The following LEPR variants were observed in gnomAD, a reference collection of about 807,000 sequenced individuals.
The protein encoded by LEPR is leptin receptor.
Under a neutral mutation model 114.7 loss-of-function variants are expected in LEPR, and 56 were observed. The observed-to-expected ratio is 0.49, with a 90% CI of 0.39 to 0.61. LEPR has a LOEUF of 0.61. LEPR is among the 20% of genes least tolerant of loss of function. The pLI, the probability that LEPR is intolerant of heterozygous loss-of-function variation, is 0.00. For missense variants in LEPR, 1,202 were observed against 1,352.9 expected (o/e 0.89, Z 1.75); for synonymous variants, 443 against 461.4 (o/e 0.96, Z 0.51).
chr1:65,565,331 G>A (rs1227968647), intron 2 of LEPR, among the ~76,000 whole-genome samples: 11 of 152,160 alleles, frequency 7.2e-5, no homozygotes, highest in Admixed American at 4.6e-4. Flanking sequence ...AAATTTTTTC[G>A]ACTTGTATTT....
At chr1:65,584,445 G>T (rs1260822102) in intron 5 of LEPR, among the ~76,000 whole-genome samples, 1 of 152,052 alleles carries the variant, frequency 6.6e-6, no homozygotes, top group African/African-American at 2.4e-5. Context: ...TAAAGGGTGT[G>T]TGTTCATACT....
intron 2 of LEPR, among the ~76,000 whole-genome samples, chr1:65,454,104 C>A (rs372595646): frequency 6.8e-6 from 1 of 148,046 alleles, no homozygotes; most frequent in South Asian, 2.2e-4. Flanking sequence ...AGGATTGCAA[C>A]CCCTGCCTTT....
In LEPR at chr1:65,605,152, A is replaced by G. The variant is rs758519297; in HGVS notation, c.1518A>G (p.Leu506=). 6.8e-5 allele frequency: 110 copies of G among 1,613,962 alleles called. No individual in the cohort carries two copies. The highest frequency in any genetic ancestry group is 8.4e-5 in the Non-Finnish European group (99 of 1,180,018). ...GCATTTTCCAGCCAATCTTCCTATT[A>G]TCTGGCTACACAATGTGGATTAGGA... is the stretch of plus-strand genomic sequence containing the variant. ...YECIFQPIFL[L]SGYTMWIRIN... is the part of the protein sequence containing the mutation. Residue 506 remains leucine (L), a synonymous_variant, in exon 11 of 20, where the codon TTA becomes TTG. Coordinates refer to ENST00000349533, the MANE Select transcript of LEPR (RefSeq NM_002303.6).
chr1:65,619,685 T>C (rs541738200), intron 16 of LEPR, among the ~76,000 whole-genome samples: 4 of 152,256 alleles, frequency 2.6e-5, no homozygotes, highest in African/African-American at 9.6e-5. Context: ...CTTTGAAAAA[T>C]TGCAATCTTC....
At chr1:65,552,619 G>A (rs945475338) in intron 2 of LEPR, among the ~76,000 whole-genome samples, 7 of 152,146 alleles carry the variant, frequency 4.6e-5, no homozygotes, top group Non-Finnish European at 7.3e-5. Context: ...AAAGGCATGT[G>A]AGACTGGTCT....
chr1:65,508,950 T>C (rs956550127), intron 2 of LEPR, among the ~76,000 whole-genome samples: 4 of 152,152 alleles, frequency 2.6e-5, no homozygotes, highest in Admixed American at 6.5e-5. Context: ...TTGATACTAA[T>C]GTAAATGGGA....
intron 2 of LEPR, among the ~76,000 whole-genome samples, chr1:65,536,934 T>G (rs1650816746): frequency 6.6e-6 from 1 of 152,194 alleles, no homozygotes; most frequent in Non-Finnish European, 1.5e-5. Context: ...AAATGGTCTT[T>G]AAATAGTTTG....
At chr1:65,421,690 T>C (rs1368335335) in intron 1 of LEPR, among the ~76,000 whole-genome samples, 1 of 152,220 alleles carries the variant, frequency 6.6e-6, no homozygotes, top group Non-Finnish European at 1.5e-5. Context: ...ACTTTTATAC[T>C]TAATATCAGT....
At chr1:65,577,221 G>C (rs917478602) in intron 5 of LEPR, 2 of 159,316 alleles carry the variant, frequency 1.3e-5, no homozygotes, top group Non-Finnish European at 2.8e-5. Context: ...AGGAACACAA[G>C]GACTTCTGTT....
chr1:65,431,934 T>G, intron 2 of LEPR: 1 of 1,609,160 alleles, frequency 6.2e-7, no homozygotes, highest in East Asian at 2.2e-5. Context: ...TTATTCTGAT[T>G]ACAGTGCATT....
chr1:65,592,910 C>G (rs1655805362), intron 6 of LEPR, 45 bp downstream of exon 6: 1 of 1,596,298 alleles, frequency 6.3e-7, no homozygotes, highest in Admixed American at 1.7e-5. Context: ...AAACATCAGT[C>G]ATATATAAAG....
chr1:65,579,077 G>A (rs1385009272), intron 5 of LEPR, among the ~76,000 whole-genome samples: 1 of 152,170 alleles, frequency 6.6e-6, no homozygotes, highest in Non-Finnish European at 1.5e-5. Context: ...GAGGGCTAGT[G>A]TCTCAGATGT....
At chr1:65,622,792 A>G (rs1386802133) in intron 18 of LEPR, 114 bp from the exon 19 acceptor site, 2 of 1,049,720 alleles carry the variant, frequency 1.9e-6, no homozygotes, top group Non-Finnish European at 2.9e-6. Flanking sequence ...ATCTGACCCT[A>G]CGGAGGCATA....
intron 17 of LEPR, among the ~76,000 whole-genome samples, 154 bp downstream of exon 17, chr1:65,620,177 T>C (rs1284915874): frequency 6.6e-6 from 1 of 152,102 alleles, no homozygotes; most frequent in East Asian, 1.9e-4. Flanking sequence ...AAAGGAAATA[T>C]TTTTTTCCTC....
intron 17 of LEPR, among the ~76,000 whole-genome samples, 194 bp from the exon 18 acceptor site, chr1:65,621,159 A>G (rs139143556): frequency 1.3e-3 from 205 of 152,376 alleles, no homozygotes; most frequent in African/African-American, 4.4e-3. Flanking sequence ...AGTAGATATG[A>G]TGCTGAACAA....
intron 2 of LEPR, among the ~76,000 whole-genome samples, chr1:65,564,603 C>G (rs1200310370): frequency 6.6e-6 from 1 of 152,178 alleles, no homozygotes; most frequent in East Asian, 1.9e-4. Flanking sequence ...ATGTTTTACA[C>G]TATTCTTTGT....
intron 14 of LEPR, among the ~76,000 whole-genome samples, chr1:65,611,780 G>A (rs1465343560): frequency 6.6e-6 from 1 of 152,156 alleles, no homozygotes; most frequent in Non-Finnish European, 1.5e-5. Flanking sequence ...CAATATGGTA[G>A]CAACCAGCCA....
intron 2 of LEPR, among the ~76,000 whole-genome samples, chr1:65,541,163 C>T (rs911526574): frequency 2.6e-5 from 4 of 152,058 alleles, no homozygotes; most frequent in African/African-American, 4.8e-5. Context: ...CTGGTATTAT[C>T]GTGCTTTGAC....
chr1:65,610,787 A>T (rs1270092864), intron 14 of LEPR, among the ~76,000 whole-genome samples: 1 of 152,220 alleles, frequency 6.6e-6, no homozygotes, highest in Non-Finnish European at 1.5e-5. Context: ...TTTTCAAAGC[A>T]TCCTCTCCCA....
Sources: gnomAD v4.1 joint callset for allele counts (sites outside exome capture counted in the v4.1 genomes callset) on GRCh38, gnomAD v4.1.1 for gene constraint, MANE v1.5 for transcripts, NCBI Gene and HGNC (gene_info 2026-07-23, HGNC 2026-07-21) for gene names.